Variants in HSD17B12 observed in about 807,000 individuals in gnomAD.
The protein encoded by HSD17B12 is very-long-chain 3-oxoacyl-CoA reductase.
Under a neutral mutation model 39.3 loss-of-function variants are expected in HSD17B12, and 32 were observed. That is an observed-to-expected ratio of 0.81 (90% CI 0.61 to 1.09). The LOEUF (loss-of-function observed/expected upper bound fraction) is 1.09, where lower values mean the gene tolerates loss of function less well. Among genes scored for constraint, HSD17B12 ranks in the 50% least tolerant of loss-of-function variants. The pLI, the probability that HSD17B12 is intolerant of heterozygous loss-of-function variation, is 0.00. For synonymous variants in HSD17B12, 150 were observed against 146.7 expected, an observed-to-expected ratio of 1.02 and a Z score of -0.16; for missense variants, 342 against 382.9, an observed-to-expected ratio of 0.89 and a Z score of 0.89.
At chr11:43,587,743 C>T in the HSD17B12 span, among the ~76,000 whole-genome samples, 1 of 152,094 alleles carries the variant, frequency 6.6e-6, no homozygotes, top group African/African-American at 2.4e-5. Flanking sequence ...TTGGTAAAGT[C>T]GATGGTTCCA....
chr11:43,830,331 G>A (rs1031097256), intron 6 of HSD17B12: 1 of 152,152 alleles, frequency 6.6e-6, no homozygotes, highest in Non-Finnish European at 1.5e-5. Flanking sequence ...TCAAAACAGA[G>A]TTTAAAAATA....
chr11:43,840,046 C>A lies in HSD17B12; in HGVS notation c.666C>A (p.Ser222Arg), dbSNP rs767590788. 1 of 1,612,356 alleles carries A rather than the reference C, an allele frequency of 6.2e-7. No homozygotes were observed. The highest frequency in any genetic ancestry group is 1.3e-5 in the African/African-American group (1 of 74,806). The change falls in exon 9 of 11, where the codon AGC (serine) becomes AGA (arginine). Residue 222 changes from serine (S) to arginine (R), a missense_variant. By Grantham distance (110) the Ser-to-Arg change is moderately radical. Transcript: ENST00000278353. ...AGTGCCTCCATGAGGAGTATAGGAGCAAGGGCGTCTTTGTGCAGGTGAGTG... is the reference window on the plus strand; with the variant it reads ...AGTGCCTCCATGAGGAGTATAGGAGAAAGGGCGTCTTTGTGCAGGTGAGTG... Reference protein sequence around the residue: ...FSQCLHEEYRSKGVFVQSVLP... With the variant: ...FSQCLHEEYRRKGVFVQSVLP...
At chr11:43,719,344 T>C (rs1950155223) in intron 1 of HSD17B12, among the ~76,000 whole-genome samples, 1 of 152,198 alleles carries the variant, frequency 6.6e-6, no homozygotes, top group Admixed American at 6.5e-5. Context: ...CAGAGATCTA[T>C]GTGACTAGAG....
chr11:43,768,765 G>C (rs1355580875), intron 3 of HSD17B12, among the ~76,000 whole-genome samples: 2 of 152,174 alleles, frequency 1.3e-5, no homozygotes, highest in Admixed American at 1.3e-4. Flanking sequence ...GACCAGAGCG[G>C]GTTGCCGTGG....
At chr11:43,699,888 A>T (rs1178992947) in intron 1 of HSD17B12, among the ~76,000 whole-genome samples, 1 of 152,254 alleles carries the variant, frequency 6.6e-6, no homozygotes, top group African/African-American at 2.4e-5. Context: ...ATCACTGATC[A>T]TCAGAGAAAT....
At chr11:43,840,731 A>G (rs933688147) in intron 9 of HSD17B12, among the ~76,000 whole-genome samples, 1 of 152,214 alleles carries the variant, frequency 6.6e-6, no homozygotes, top group African/African-American at 2.4e-5. Context: ...GCTGAATAAA[A>G]TGCCATTGTA....
chr11:43,577,337 A>G, the HSD17B12 span, among the ~76,000 whole-genome samples: 2 of 151,616 alleles, frequency 1.3e-5, no homozygotes, highest in Non-Finnish European at 2.9e-5. Flanking sequence ...CTTTGGGGGG[A>G]AGGAGGGGTG....
At chr11:43,597,945 T>C in the HSD17B12 span, among the ~76,000 whole-genome samples, 1 of 152,134 alleles carries the variant, frequency 6.6e-6, no homozygotes, top group Non-Finnish European at 1.5e-5. Flanking sequence ...CCCTCCTGCT[T>C]TTCTTTTTTG....
chr11:43,743,246 A>G (rs1360288954), intron 1 of HSD17B12, among the ~76,000 whole-genome samples: 1 of 152,192 alleles, frequency 6.6e-6, no homozygotes, highest in Non-Finnish European at 1.5e-5. Flanking sequence ...TAAAATGATG[A>G]AGTAGCAATA....
intron 3 of HSD17B12, among the ~76,000 whole-genome samples, chr11:43,771,243 T>A (rs1376893231): frequency 6.6e-6 from 1 of 152,164 alleles, no homozygotes; most frequent in Non-Finnish European, 1.5e-5. Flanking sequence ...TTCATCCATA[T>A]TTTTACATGT....
chr11:43,628,212 T>G, the HSD17B12 span, among the ~76,000 whole-genome samples: 11 of 151,954 alleles, frequency 7.2e-5, no homozygotes, highest in Non-Finnish European at 5.9e-5. Context: ...CTATGTCACT[T>G]TTGCTATCCA....
At chr11:43,682,973 G>A (rs1337496242) in intron 1 of HSD17B12, among the ~76,000 whole-genome samples, 1 of 151,630 alleles carries the variant, frequency 6.6e-6, no homozygotes, top group Non-Finnish European at 1.5e-5. Context: ...TTTGTTTTTT[G>A]TAGAGACAAG....
At chr11:43,706,401 G>A (rs538948848) in intron 1 of HSD17B12, among the ~76,000 whole-genome samples, 18 of 152,194 alleles carry the variant, frequency 1.2e-4, no homozygotes, top group South Asian at 8.3e-4. Context: ...AAAATTAGCC[G>A]TCATGAGGAT....
chr11:43,663,688 G>A, the HSD17B12 span, among the ~76,000 whole-genome samples: 87 of 152,232 alleles, frequency 5.7e-4, no homozygotes, highest in African/African-American at 2.0e-3. Context: ...CTGAACTGGA[G>A]TTCCTTAGCC....
intron 2 of HSD17B12, among the ~76,000 whole-genome samples, chr11:43,753,328 A>C (rs888535895): frequency 6.6e-6 from 1 of 151,224 alleles, no homozygotes; most frequent in African/African-American, 2.4e-5. Context: ...TTTTAGTAGT[A>C]GTTTCCTTTG....
intron 8 of HSD17B12, 91 bp from the exon 9 acceptor site, chr11:43,839,908 A>G: frequency 9.9e-7 from 1 of 1,011,326 alleles, no homozygotes. Flanking sequence ...ATAGCATTAA[A>G]TGATTAGTTT....
At chr11:43,690,361 CATATATATATATATATATATAT>C (rs61646858) in intron 1 of HSD17B12, among the ~76,000 whole-genome samples, 2 of 39,420 alleles carry the variant, frequency 5.1e-5, no homozygotes, top group East Asian at 6.5e-4. Context: ...GGTATTCATA[CATATATATATATATATATATAT>C]ATATATATAT....
At chr11:43,833,934 A>G (rs1033107247) in intron 7 of HSD17B12, 3 of 152,222 alleles carry the variant, frequency 2.0e-5, no homozygotes, top group African/African-American at 7.2e-5. Context: ...CCCTGGAATT[A>G]TAAACATTGT....
chr11:43,787,980 G>A (rs911522612), intron 3 of HSD17B12, among the ~76,000 whole-genome samples: 1 of 151,956 alleles, frequency 6.6e-6, no homozygotes, highest in Non-Finnish European at 1.5e-5. Context: ...AAAGTGACAG[G>A]TTAAAATAAA....
Sources: allele counts gnomAD v4.1 joint callset (sites outside exome capture counted in the v4.1 genomes callset), GRCh38; gene constraint gnomAD v4.1.1; transcripts MANE v1.5; gene names NCBI Gene and HGNC (gene_info 2026-07-23, HGNC 2026-07-21).